Variants in PLCH1 observed in about 807,000 individuals in gnomAD.
PLCH1 encodes 1-phosphatidylinositol 4,5-bisphosphate phosphodiesterase eta-1.
In PLCH1, 60 loss-of-function variants were observed where a neutral mutation model predicts 126.7. That is an observed-to-expected ratio of 0.47 (90% confidence interval 0.38 to 0.59). The LOEUF (loss-of-function observed/expected upper bound fraction) is 0.59. PLCH1 is among the 20% of genes least tolerant of loss of function. PLCH1 has a pLI of 0.00. For synonymous variants in PLCH1, 719 were observed against 734.9 expected (o/e 0.98, Z 0.35); for missense variants, 1,723 against 2,040.0 (o/e 0.84, Z 2.99).
chr3:155,613,218 C>T (rs1254555260), intron 2 of PLCH1, among the ~76,000 whole-genome samples: 1 of 152,056 alleles, frequency 6.6e-6, no homozygotes, highest in Non-Finnish European at 1.5e-5. Flanking sequence ...TTCTATCAGA[C>T]ATTCAAAGAA....
Position 155,494,525 on chromosome 3 carries a change from T to A in PLCH1, c.1895-8A>T, listed in dbSNP as rs1716721457. 3 of 1,509,146 alleles carry A rather than the reference T, an allele frequency of 2.0e-6. No individual in the cohort carries two copies. Among genetic ancestry groups the A allele is most frequent in the South Asian group, 1.1e-5 (1 of 87,406 alleles). The allele number at this position is 1,509,146 out of a possible 1,614,324, so 93.5% of individuals were successfully genotyped here. On this transcript the variant is annotated splice_polypyrimidine_tract_variant and splice_region_variant and intron_variant, in intron 15 of 22. Coordinates refer to ENST00000460012, the MANE Select transcript of PLCH1 (RefSeq NM_014996.4). ...ACACATTTCCTGTGGTTCCTGGCAG[T>A]TTTTAATCGAGAAAAAAGGAAGTGA... is the stretch of plus-strand genomic sequence containing the variant.
chr3:155,654,988 C>T (rs1399066724), intron 2 of PLCH1, among the ~76,000 whole-genome samples: 1 of 152,208 alleles, frequency 6.6e-6, no homozygotes, highest in East Asian at 1.9e-4. Flanking sequence ...TACTTAAATA[C>T]ACCATTCCTG....
intron 6 of PLCH1, among the ~76,000 whole-genome samples, chr3:155,574,851 C>A (rs1347423537): frequency 3.9e-5 from 6 of 152,224 alleles, no homozygotes; most frequent in African/African-American, 1.2e-4. Context: ...GAAAAATCAG[C>A]CAGGCATGGT....
At chr3:155,632,696 G>A (rs1268554045) in intron 2 of PLCH1, among the ~76,000 whole-genome samples, 2 of 152,154 alleles carry the variant, frequency 1.3e-5, no homozygotes, top group Admixed American at 1.3e-4. Context: ...TGGTGAGGGA[G>A]TGTTCTTAAA....
intron 10 of PLCH1, among the ~76,000 whole-genome samples, chr3:155,530,977 A>G (rs1722596968): frequency 6.6e-6 from 1 of 152,214 alleles, no homozygotes. Flanking sequence ...TTGGGTGACC[A>G]GGTGCATTGT....
chr3:155,459,402 A>G (rs901946286), intron 21 of PLCH1, among the ~76,000 whole-genome samples: 18 of 152,208 alleles, frequency 1.2e-4, no homozygotes, highest in African/African-American at 4.3e-4. Context: ...AATATTTATT[A>G]GAGTGTATAA....
At chr3:155,690,208 C>T (rs1421567339) in intron 2 of PLCH1, among the ~76,000 whole-genome samples, 1 of 152,156 alleles carries the variant, frequency 6.6e-6, no homozygotes, top group Non-Finnish European at 1.5e-5. Context: ...TAGCTGGTTG[C>T]TATCAATATG....
At chr3:155,555,949 T>C (rs1455368803) in intron 8 of PLCH1, among the ~76,000 whole-genome samples, 12 of 152,176 alleles carry the variant, frequency 7.9e-5, no homozygotes. Flanking sequence ...CTGTTAATCA[T>C]TACTAAGTAG....
At chr3:155,710,729 A>G (rs911638944) in intron 1 of PLCH1, among the ~76,000 whole-genome samples, 37 of 151,850 alleles carry the variant, frequency 2.4e-4, no homozygotes, top group African/African-American at 9.0e-4. Flanking sequence ...GCTACTCAGG[A>G]GGCTGAGGAA....
chr3:155,690,047 A>T (rs1745256134), intron 2 of PLCH1, among the ~76,000 whole-genome samples: 1 of 141,746 alleles, frequency 7.1e-6, no homozygotes. Flanking sequence ...AAAAAAGAAT[A>T]AAAAAAAAAA....
chr3:155,518,280 T>C (rs755264894), intron 11 of PLCH1, among the ~76,000 whole-genome samples: 3 of 152,224 alleles, frequency 2.0e-5, no homozygotes, highest in South Asian at 2.1e-4. Context: ...AGCACTGTCA[T>C]GTAAAGATAC....
In PLCH1 at chr3:155,526,194, C is replaced by G. The variant is rs556832706; in HGVS notation, c.1363-2190G>C. On this transcript the variant is annotated intron_variant, in intron 10 of 22. Coordinates refer to ENST00000460012, the MANE Select transcript of PLCH1 (RefSeq NM_014996.4). ...AAATAATAGTACCAATGTCTCCTGT[C>G]TCAGTATTCACACCCTTCTGCAATC... is the stretch of plus-strand genomic sequence containing the variant. 5.9e-5 allele frequency among the ~76,000 whole-genome samples: 9 copies of G among 152,118 alleles called. No individual in the cohort carries two copies. The South Asian group carries it at 1.9e-3, about 32-fold the overall frequency.
intron 8 of PLCH1, among the ~76,000 whole-genome samples, chr3:155,557,772 A>G (rs1234048131): frequency 1.3e-5 from 2 of 152,322 alleles, no homozygotes; most frequent in African/African-American, 4.8e-5. Context: ...AGCAACTCCA[A>G]CAAAGATTTA....
chr3:155,607,195 A>G (rs377195109), intron 2 of PLCH1, among the ~76,000 whole-genome samples: 62 of 152,242 alleles, frequency 4.1e-4, no homozygotes, highest in Middle Eastern at 3.4e-3. Flanking sequence ...TAATCAAGAG[A>G]CTGATGGTCT....
intron 2 of PLCH1, among the ~76,000 whole-genome samples, chr3:155,657,456 G>A (rs376510485): frequency 3.3e-5 from 5 of 152,128 alleles, no homozygotes; most frequent in Admixed American, 6.5e-5. Context: ...GAAGAGCTCC[G>A]GAGATAGATG....
At chr3:155,669,920 T>C (rs1195958075) in intron 2 of PLCH1, among the ~76,000 whole-genome samples, 1 of 152,186 alleles carries the variant, frequency 6.6e-6, no homozygotes, top group African/African-American at 2.4e-5. Flanking sequence ...GAGACCTACA[T>C]CAATGGCGTA....
chr3:155,612,122 G>A (rs1253812878), intron 2 of PLCH1, among the ~76,000 whole-genome samples: 1 of 151,906 alleles, frequency 6.6e-6, no homozygotes, highest in Non-Finnish European at 1.5e-5. Flanking sequence ...TTCATGAACA[G>A]CCTGGCCAAT....
At chr3:155,577,243 G>A (rs1441137962) in intron 6 of PLCH1, among the ~76,000 whole-genome samples, 2 of 152,136 alleles carry the variant, frequency 1.3e-5, no homozygotes, top group Non-Finnish European at 2.9e-5. Context: ...CTGGGTGACA[G>A]AGACCCTGTC....
Position 155,535,658 on chromosome 3 carries a change from G to A in PLCH1, c.1363-11654C>T, listed in dbSNP as rs539616795. ...TCAAGAAGAGTCTGAGCTTAGACACGCCTGACCCTGCATCCAACTGATGGT... is the reference window on the plus strand; with the variant it reads ...TCAAGAAGAGTCTGAGCTTAGACACACCTGACCCTGCATCCAACTGATGGT... On this transcript the variant is annotated intron_variant, in intron 10 of 22. Transcript: ENST00000460012. 7.9e-5 allele frequency among the ~76,000 whole-genome samples: 12 copies of A among 152,296 alleles called. No individual in the cohort carries two copies. The East Asian group carries it at 1.2e-3, about 15-fold the overall frequency.
Sources: gnomAD v4.1 joint callset for allele counts (sites outside exome capture counted in the v4.1 genomes callset) on GRCh38, gnomAD v4.1.1 for gene constraint, MANE v1.5 for transcripts, NCBI Gene and HGNC (gene_info 2026-07-23, HGNC 2026-07-21) for gene names.